Variants in MYO16 observed in about 807,000 individuals in gnomAD.
MYO16 encodes the protein myosin XVI.
MYO16 carries 94 observed loss-of-function variants against 205.3 expected under a neutral mutation model. The ratio of observed to expected loss-of-function variants is 0.46; its 90% CI spans 0.39 to 0.54. The LOEUF (loss-of-function observed/expected upper bound fraction) is 0.54, where lower values mean the gene tolerates loss of function less well. Among genes scored for constraint, MYO16 ranks in the 20% least tolerant of loss-of-function variants. The probability of loss-of-function intolerance (pLI) is 0.00; values close to 1 mark genes in which losing one functional copy is unlikely to be tolerated. For synonymous variants in MYO16, 988 were observed against 954.0 expected (o/e 1.04, Z -0.66); for missense variants, 2,315 against 2,387.5 (o/e 0.97, Z 0.63).
chr13:108,958,922 C>A (rs1883480167), intron 17 of MYO16, among the ~76,000 whole-genome samples: 1 of 152,160 alleles, frequency 6.6e-6, no homozygotes, highest in African/African-American at 2.4e-5. Context: ...TTCACAAGCC[C>A]AGATTAGGTC....
intron 4 of MYO16, among the ~76,000 whole-genome samples, chr13:108,753,370 C>CAAAAAAAAAAAAAAAA (rs534466420): frequency 6.3e-5 from 7 of 111,774 alleles, no homozygotes; most frequent in African/African-American, 2.3e-4. Context: ...AACTCTGTGA[C>CAAAAAAAAAAAAAAAA]AAAAAAAAAA....
chr13:108,528,599 CCCTCT>C, the MYO16 span, among the ~76,000 whole-genome samples: 1 of 11,050 alleles, frequency 9.0e-5, no homozygotes, highest in Non-Finnish European at 1.9e-4. Context: ...CCCTCCTCTC[CCCTCT>C]CCTCTCCTCC....
the MYO16 span, among the ~76,000 whole-genome samples, chr13:108,540,692 C>A: frequency 5.3e-5 from 8 of 151,956 alleles, no homozygotes; most frequent in African/African-American, 1.9e-4. Flanking sequence ...TACAGCACAC[C>A]AATTTCTTCA....
chr13:109,202,491 T>C (rs901512806), intron 34 of MYO16, among the ~76,000 whole-genome samples: 1 of 152,200 alleles, frequency 6.6e-6, no homozygotes, highest in African/African-American at 2.4e-5. Flanking sequence ...TTGTTGGGCA[T>C]TTGTGTATCT....
intron 21 of MYO16, among the ~76,000 whole-genome samples, chr13:109,007,075 TG>T (rs966565892): frequency 6.6e-6 from 1 of 151,988 alleles, no homozygotes; most frequent in African/African-American, 2.4e-5. Flanking sequence ...ATGTGAGAGT[TG>T]AACATTGGAT....
At chr13:108,640,596 C>T (rs1880461889) in intron 1 of MYO16, among the ~76,000 whole-genome samples, 1 of 152,140 alleles carries the variant, frequency 6.6e-6, no homozygotes, top group Non-Finnish European at 1.5e-5. Context: ...CATCTTCTTC[C>T]TCATCTTTGG....
At chr13:109,191,770 G>A (rs1594174492) in intron 34 of MYO16, among the ~76,000 whole-genome samples, 1 of 152,188 alleles carries the variant, frequency 6.6e-6, no homozygotes, top group East Asian at 1.9e-4. Flanking sequence ...ATGAACTACG[G>A]CAAGAGGCTA....
chr13:108,948,104 T>G (rs775298377), intron 16 of MYO16, among the ~76,000 whole-genome samples: 12 of 152,226 alleles, frequency 7.9e-5, no homozygotes. Flanking sequence ...TTTCAGATAG[T>G]TCGAAAACAA....
intron 34 of MYO16, among the ~76,000 whole-genome samples, chr13:109,186,458 C>T (rs1308838412): frequency 2.0e-5 from 3 of 152,134 alleles, no homozygotes; most frequent in African/African-American, 7.2e-5. Flanking sequence ...ATTCAGTGAT[C>T]TCCATGAAAG....
upstream of MYO16, among the ~76,000 whole-genome samples, chr13:108,627,654 C>G (rs1428609795): frequency 6.6e-6 from 1 of 152,062 alleles, no homozygotes; most frequent in Non-Finnish European, 1.5e-5. Context: ...GGTTAAAGTT[C>G]TTATAAGAAA....
intron 11 of MYO16, among the ~76,000 whole-genome samples, chr13:108,865,020 C>T (rs1057113685): frequency 6.6e-6 from 1 of 151,976 alleles, no homozygotes; most frequent in Non-Finnish European, 1.5e-5. Flanking sequence ...AGCATTTATT[C>T]GGATTTAGTT....
chr13:108,608,694 G>T (rs1371197294), intron 1 of MYO16, among the ~76,000 whole-genome samples: 1 of 152,012 alleles, frequency 6.6e-6, no homozygotes, highest in Non-Finnish European at 1.5e-5. Context: ...CCAGGCTAGA[G>T]TGTGGTGGCA....
At chr13:108,888,871 A>G (rs1880030618) in intron 14 of MYO16, among the ~76,000 whole-genome samples, 1 of 152,108 alleles carries the variant, frequency 6.6e-6, no homozygotes, top group African/African-American at 2.4e-5. Context: ...CCTGGCCAAC[A>G]TTGTGAAACC....
intron 16 of MYO16, among the ~76,000 whole-genome samples, chr13:108,941,893 C>A (rs992017382): frequency 6.6e-6 from 1 of 152,102 alleles, no homozygotes; most frequent in Admixed American, 6.5e-5. Flanking sequence ...ACATATTTTG[C>A]TGCTTTGGTT....
intron 4 of MYO16, among the ~76,000 whole-genome samples, chr13:108,741,130 C>T (rs1009704222): frequency 4.6e-5 from 7 of 152,114 alleles, no homozygotes; most frequent in African/African-American, 9.7e-5. Flanking sequence ...CGGTGGGCTT[C>T]ACCCACTGTC....
chr13:108,621,714 A>G (rs945348958), intron 1 of MYO16, among the ~76,000 whole-genome samples: 4 of 152,072 alleles, frequency 2.6e-5, no homozygotes, highest in South Asian at 2.1e-4. Context: ...CTCCATACCA[A>G]TGCCTACGTC....
chr13:108,813,229 A>G (rs2138998749), intron 7 of MYO16, among the ~76,000 whole-genome samples: 1 of 152,276 alleles, frequency 6.6e-6, no homozygotes, highest in Middle Eastern at 3.4e-3. Flanking sequence ...GGTTAATAAG[A>G]AATCATAGTT....
chr13:108,709,400 A>AATGTTCTTTATGAGTTTCATGATTG (rs1188818625), intron 2 of MYO16, among the ~76,000 whole-genome samples: 6 of 137,888 alleles, frequency 4.4e-5, no homozygotes, highest in African/African-American at 1.1e-4. Flanking sequence ...GGTTAAGGGC[A>AATGTTCTTTATGAGTTTCATGATTG]CAATCACTGG....
intron 24 of MYO16, 151 bp downstream of exon 24, chr13:109,047,142 G>A: frequency 3.3e-6 from 2 of 608,332 alleles, no homozygotes; most frequent in Non-Finnish European, 5.8e-6. Context: ...AATGAGAAAT[G>A]GGTCTTGCTG....
Sources: gnomAD v4.1 joint callset for allele counts (sites outside exome capture counted in the v4.1 genomes callset) on GRCh38, gnomAD v4.1.1 for gene constraint, MANE v1.5 for transcripts, NCBI Gene and HGNC (gene_info 2026-07-23, HGNC 2026-07-21) for gene names.